ADGRA2: variants seen among roughly 807,000 people sequenced by gnomAD.
ADGRA2 encodes adhesion G protein-coupled receptor A2, also known as G-protein coupled receptor 124.
In ADGRA2, 61 loss-of-function variants were observed where a neutral mutation model predicts 98.7. The observed-to-expected ratio is 0.62, with a 90% CI of 0.50 to 0.76. The LOEUF (loss-of-function observed/expected upper bound fraction) is 0.76, where lower values mean the gene tolerates loss of function less well. Ranked by LOEUF, ADGRA2 falls within the 30% of genes least tolerant of loss-of-function variation. The probability of loss-of-function intolerance (pLI) is 0.00; values close to 1 mark genes in which losing one functional copy is unlikely to be tolerated. For missense variants in ADGRA2, 1,712 were observed against 1,860.0 expected, an observed-to-expected ratio of 0.92 and a Z score of 1.46; for synonymous variants, 858 against 831.5, an observed-to-expected ratio of 1.03 and a Z score of -0.55.
intron 13 of ADGRA2, among the ~76,000 whole-genome samples, chr8:37,836,099 C>CACACACACACA (rs1563351779): frequency 7.2e-6 from 1 of 138,350 alleles, no homozygotes; most frequent in African/African-American, 2.8e-5. Context: ...ACACACACAC[C>CACACACACACA]CCACAGGCCC....
intron 1 of ADGRA2, among the ~76,000 whole-genome samples, chr8:37,812,153 G>GTGT (rs36232957): frequency 0.045 from 6,370 of 142,174 alleles, 146 homozygotes; most frequent in African/African-American, 0.056. Context: ...ACTTGCAATG[G>GTGT]TGTTGTTGTT....
chr8:37,835,039 G>C (rs1251550727), intron 11 of ADGRA2, 135 bp from the exon 12 acceptor site: 1 of 630,116 alleles, frequency 1.6e-6, no homozygotes, highest in Non-Finnish European at 2.8e-6. Context: ...AAAAAAAAGA[G>C]AGAGAGGTGG....
chr8:37,837,601 C>T, intron 13 of ADGRA2, 130 bp from the exon 14 acceptor site: 1 of 774,602 alleles, frequency 1.3e-6, no homozygotes, highest in East Asian at 2.7e-5. Context: ...ATGCCCCCAG[C>T]CCAGCACTGT....
chr8:37,837,744 G>A lies in ADGRA2; in HGVS notation c.2064G>A (p.Val688=). Residue 688 remains valine, a synonymous_variant, in exon 14 of 19, where the codon GTG becomes GTA. Coordinates refer to ENST00000412232, the MANE Select transcript of ADGRA2 (RefSeq NM_032777.10). ...VIFAGTSGCG[V]GNLTEPVAVS... is the part of the protein sequence containing the mutation. Reference sequence around the variant, plus strand: ...CTCCCGCTGTAGGTGGCTGTGGCGTGGGAAACCTGACAGAGCCAGTGGCCG... The same window carrying A: ...CTCCCGCTGTAGGTGGCTGTGGCGTAGGAAACCTGACAGAGCCAGTGGCCG... The A allele has an allele frequency of 6.4e-7, 1 of 1,553,156 alleles. No individual in the cohort carries two copies.
chr8:37,812,803 G>A (rs927090744), intron 1 of ADGRA2, among the ~76,000 whole-genome samples: 1 of 151,824 alleles, frequency 6.6e-6, no homozygotes, highest in Middle Eastern at 3.4e-3. Flanking sequence ...CTGAGTAGCT[G>A]GGACTATAGG....
intron 2 of ADGRA2, among the ~76,000 whole-genome samples, chr8:37,816,635 C>T (rs1333405393): frequency 7.2e-6 from 1 of 139,112 alleles, no homozygotes. Flanking sequence ...CACACACACA[C>T]GGCTGGGTGC....
intron 1 of ADGRA2, among the ~76,000 whole-genome samples, chr8:37,813,708 GC>G (rs1804906456): frequency 6.6e-6 from 1 of 152,104 alleles, no homozygotes; most frequent in Non-Finnish European, 1.5e-5. Context: ...GCCCTAGAAA[GC>G]CCCTTCAACT....
intron 5 of ADGRA2, 23 bp downstream of exon 5, chr8:37,829,582 A>G (rs765122328): frequency 1.3e-6 from 2 of 1,541,988 alleles, no homozygotes; most frequent in South Asian, 1.1e-5. Flanking sequence ...TCCTAGCTCA[A>G]GGACCCAGAC....
Position 37,811,166 on chromosome 8 carries a change from G to GT in ADGRA2, c.267-3729dup, listed in dbSNP as rs1310638484. Among the ~76,000 whole-genome samples, 29 of 99,598 alleles carry GT rather than the reference G, an allele frequency of 2.9e-4. No homozygotes were observed. The East Asian group carries it at 4.4e-3, about 15-fold the overall frequency. The allele number at this position is 99,598 out of a possible 152,430, so 65.3% of individuals were successfully genotyped here. ...GAACTTTTATACTGTGTGTGTGTGT[G>GT]TGTTTTTTTTTTTTTTTTTTGAGAC... On this transcript the variant is annotated intron_variant, in intron 1 of 18. Transcript: ENST00000412232.
chr8:37,815,831 C>T (rs1804963390), intron 2 of ADGRA2, among the ~76,000 whole-genome samples: 1 of 152,212 alleles, frequency 6.6e-6, no homozygotes, highest in East Asian at 1.9e-4. Context: ...GGACCACAGC[C>T]TGGACCACAA....
intron 1 of ADGRA2, among the ~76,000 whole-genome samples, chr8:37,801,665 C>T (rs1804510216): frequency 6.6e-6 from 1 of 152,230 alleles, no homozygotes; most frequent in African/African-American, 2.4e-5. Flanking sequence ...ACGGCCTGGG[C>T]TCCAAAGGAT....
Position 37,838,998 on chromosome 8 carries a change from G to A in ADGRA2, c.2302G>A (p.Gly768Arg), listed in dbSNP as rs1353365321. The A allele has an allele frequency of 6.3e-7, 1 of 1,593,224 alleles. No individual in the cohort carries two copies. Among genetic ancestry groups the A allele is most frequent in the Non-Finnish European group, 8.6e-7 (1 of 1,169,292 alleles). Residue 768 changes from glycine (G) to arginine (R), a missense_variant, in exon 15 of 19, where the codon GGG becomes AGG. By Grantham distance (125) the Gly-to-Arg change is moderately radical (BLOSUM62 -2). Coordinates refer to ENST00000412232, the MANE Select transcript of ADGRA2 (RefSeq NM_032777.10). ...CAGGGAGGTGGGGGGCGCCGGGGCA[G>A]GGCTGCACCCCGTGGTATACCCCTG... is the stretch of plus-strand genomic sequence containing the variant. ...FPREVGGAGA[G>R]LHPVVYPCTA...
At position 37,830,988 on chromosome 8, in the gene ADGRA2, C is replaced by A; in HGVS notation, c.932+65C>A. On this transcript the variant is annotated intron_variant, in intron 7 of 18. Transcript: ENST00000412232. The surrounding 1 kb of genome is among the most constrained non-coding windows in gnomAD (Gnocchi z 4.8). Reference sequence around the variant, plus strand: ...GTTAGGGGACCTACCCTACCCGTCACCACCCCGCAAAAGAGCTGCCCCCAG... The same window carrying A: ...GTTAGGGGACCTACCCTACCCGTCAACACCCCGCAAAAGAGCTGCCCCCAG... The A allele has an allele frequency of 8.1e-7, 1 of 1,231,000 alleles. No homozygotes were observed. The highest frequency in any genetic ancestry group is 1.2e-6 in the Non-Finnish European group (1 of 869,276). 76.3% of individuals were successfully genotyped at this position (1,231,000 alleles called of 1,614,324 possible).
chr8:37,805,874 A>AAAAC (rs758957752), intron 1 of ADGRA2, among the ~76,000 whole-genome samples: 71 of 152,092 alleles, frequency 4.7e-4, no homozygotes, highest in African/African-American at 1.2e-3. Flanking sequence ...TTCTCAAACA[A>AAAAC]AAACAAACAA....
At position 37,842,382 on chromosome 8, in the gene ADGRA2, G is replaced by A. The variant is rs770477807; in HGVS notation, c.*27G>A. On this transcript the variant is annotated 3_prime_UTR_variant, in exon 19 of 19. Coordinates refer to ENST00000412232, the MANE Select transcript of ADGRA2 (RefSeq NM_032777.10). ...GTGGGGCGGGCGACGCGGTAGACGG[G>A]CTGGCCACGCGGCTCGTTCCCCCGC... is the stretch of plus-strand genomic sequence containing the variant. The A allele has an allele frequency of 6.9e-6, 10 of 1,443,844 alleles. No homozygotes were observed. In the African/African-American group the frequency reaches 1.2e-4, roughly 17 times the overall value. The allele number at this position is 1,443,844 out of a possible 1,614,324, so 89.4% of individuals were successfully genotyped here.
At chr8:37,818,242 C>T (rs1050902804) in intron 2 of ADGRA2, among the ~76,000 whole-genome samples, 2 of 152,164 alleles carry the variant, frequency 1.3e-5, no homozygotes, top group African/African-American at 4.8e-5. Context: ...AGGCTGGCAC[C>T]TCCCACAATG....
chr8:37,844,279 AC>A lies in ADGRA2; in HGVS notation c.*1926del. 3.3e-6 allele frequency: 2 copies of A among 599,462 alleles called. 1 individual carries two copies. Among genetic ancestry groups the A allele is most frequent in the South Asian group, 4.6e-5 (2 of 43,068 alleles). 37.1% of individuals were successfully genotyped at this position (599,462 alleles called of 1,614,324 possible). On this transcript the variant is annotated 3_prime_UTR_variant, in exon 19 of 19. Coordinates refer to ENST00000412232, the MANE Select transcript of ADGRA2 (RefSeq NM_032777.10). ...GGACATAGGCAACTTGCTCTCCCACACCAAGGGATGGGAATCTCTCCTACCT... is the reference window on the plus strand; with the variant it reads ...GGACATAGGCAACTTGCTCTCCCACACAAGGGATGGGAATCTCTCCTACCT...
chr8:37,808,185 C>T (rs1370708221), intron 1 of ADGRA2, among the ~76,000 whole-genome samples: 2 of 152,306 alleles, frequency 1.3e-5, no homozygotes, highest in Non-Finnish European at 2.9e-5. Context: ...ACAGGAGACT[C>T]CAGGGACTGG....
Position 37,830,623 on chromosome 8 carries a change from C to T in ADGRA2, c.719-87C>T. Reference sequence around the variant, plus strand: ...TGCAGGCCGAGGGCCCCGCCCCGCCCCACCCCATCCTGCTGGACTCTCGCT... The same window carrying T: ...TGCAGGCCGAGGGCCCCGCCCCGCCTCACCCCATCCTGCTGGACTCTCGCT... On this transcript the variant is annotated intron_variant, in intron 6 of 18. Coordinates refer to ENST00000412232, the MANE Select transcript of ADGRA2 (RefSeq NM_032777.10). This position sits in a 1 kb window ranked among gnomAD's most constrained non-coding sequence, Gnocchi z 4.8. 1.6e-6 allele frequency: 1 copy of T among 625,936 alleles called. No homozygotes were observed. Among genetic ancestry groups the T allele is most frequent in the Non-Finnish European group, 2.9e-6 (1 of 348,250 alleles). 38.8% of individuals were successfully genotyped at this position (625,936 alleles called of 1,614,324 possible).
Sources: allele counts gnomAD v4.1 joint callset (sites outside exome capture counted in the v4.1 genomes callset), GRCh38; gene constraint gnomAD v4.1.1; non-coding constraint Gnocchi (gnomAD v3.1); transcripts MANE v1.5; gene names NCBI Gene and HGNC (gene_info 2026-07-23, HGNC 2026-07-21).